Variants in ZNF648 observed in about 807,000 individuals in gnomAD.
ZNF648 encodes the protein zinc finger protein 648.
In ZNF648, 1 loss-of-function variant was observed where a neutral mutation model predicts 0.3. That is an observed-to-expected ratio of 3.90 (90% CI 1.39 to 18.51). The LOEUF is 18.51. Ranked by LOEUF, ZNF648 falls within the 30% of genes most tolerant of loss-of-function variation. The pLI, the probability that ZNF648 is intolerant of heterozygous loss-of-function variation, is 0.11. For synonymous variants in ZNF648, 376 were observed against 326.8 expected (o/e 1.15, Z -1.62); for missense variants, 874 against 769.7 (o/e 1.14, Z -1.60).
chr1:182,058,188 G>A, intron 1 of ZNF648, 115 bp from the exon 2 acceptor site: 2 of 721,474 alleles, frequency 2.8e-6, no homozygotes, highest in Admixed American at 3.3e-5. Flanking sequence ...TCCATGTCAG[G>A]CATATTGTTG....
At position 182,056,573 on chromosome 1, in the gene ZNF648, G is replaced by A. The variant is rs751082466; in HGVS notation, c.1438C>T (p.Gln480Ter). 14 of 1,613,934 alleles carry A rather than the reference G, an allele frequency of 8.7e-6. 1 individual carries two copies. In the Admixed American group the frequency reaches 1.0e-4, roughly 12 times the overall value. ...GAGCGGGCAAAGGCCTGGCCACACT[G>A]CGTGCAAGGAAAGGGCCTCTCGCCA... ...HTGERPFPCT[Q>*]CGQAFARSST... is the part of the protein sequence containing the mutation. Residue 480 changes from glutamine (Q) to a stop codon, truncating the protein, a stop_gained, in exon 2 of 2, where the codon CAG (glutamine) becomes TAG (stop). Transcript: ENST00000339948. LOFTEE classifies it low-confidence loss of function (END_TRUNC).
At position 182,056,729 on chromosome 1, in the gene ZNF648, A is replaced by G. The variant is rs777120595; in HGVS notation, c.1282T>C (p.Cys428Arg). 3.8e-6 allele frequency: 6 copies of G among 1,585,008 alleles called. No individual in the cohort carries two copies. In the East Asian group the frequency reaches 1.4e-4, roughly 37 times the overall value. Residue 428 changes from cysteine to arginine, a missense_variant, in exon 2 of 2, where the codon TGC (cysteine) becomes CGC (arginine). Cys to Arg is a radical substitution (Grantham distance 180). Transcript: ENST00000339948. ...GACAGATTGGAGGACTTGGTGAAGC[A>G]CTTGCCGCAGGTGGGGCAGGGGAAG... is the stretch of plus-strand genomic sequence containing the variant. ...RPFPCPTCGKCFTKSSNLSEH... is the reference protein window; with the variant it reads ...RPFPCPTCGKRFTKSSNLSEH...
At chr1:182,069,583 G>A in the ZNF648 span, among the ~76,000 whole-genome samples, 10,009 of 152,164 alleles carry the variant, frequency 0.066, 408 homozygotes, top group East Asian at 0.17. Context: ...CAGTAAGCAT[G>A]TCTATTCTTT....
intron 1 of ZNF648, among the ~76,000 whole-genome samples, chr1:182,059,632 C>T (rs778087598): frequency 5.9e-5 from 9 of 151,954 alleles, no homozygotes; most frequent in Non-Finnish European, 7.4e-5. Context: ...ATTGGGAGGC[C>T]GAGGCAGACG....
At position 182,056,866 on chromosome 1, in the gene ZNF648, T is replaced by A; in HGVS notation, c.1145A>T (p.His382Leu). 6.4e-7 allele frequency: 1 copy of A among 1,568,558 alleles called. No individual in the cohort carries two copies. Among genetic ancestry groups the A allele is most frequent in the Non-Finnish European group, 8.6e-7 (1 of 1,156,828 alleles). The change falls in exon 2 of 2, where the codon CAC becomes CTC. Residue 382 changes from histidine to leucine, a missense_variant. Physicochemically the swap from His to Leu is moderately conservative, Grantham distance 99 (BLOSUM62 -3). Coordinates refer to ENST00000339948, the MANE Select transcript of ZNF648 (RefSeq NM_001009992.1). ...TFNKPLSLLR[H>L]QRTHLGAKPF... Reference sequence around the variant, plus strand: ...CTTGGCGCCCAGGTGCGTGCGCTGGTGGCGCAGCAGCGACAGCGGCTTGTT... The same window carrying A: ...CTTGGCGCCCAGGTGCGTGCGCTGGAGGCGCAGCAGCGACAGCGGCTTGTT...
the ZNF648 span, among the ~76,000 whole-genome samples, chr1:182,067,387 AGTT>A: frequency 6.6e-6 from 1 of 152,102 alleles, no homozygotes; most frequent in African/African-American, 2.4e-5. Context: ...TAGCTTACAG[AGTT>A]GTTGTGGGGT....
At chr1:182,061,508 C>CT (rs1454623148) in intron 1 of ZNF648, 60 bp downstream of exon 1, 1 of 152,742 alleles carries the variant, frequency 6.5e-6, no homozygotes, top group Non-Finnish European at 1.5e-5. Context: ...ACTTTCTTCT[C>CT]TGCTCACCGC....
At position 182,056,841 on chromosome 1, in the gene ZNF648, C is replaced by G; in HGVS notation, c.1170G>C (p.Lys390Asn). 1.3e-6 allele frequency: 2 copies of G among 1,558,048 alleles called. No homozygotes were observed. The highest frequency in any genetic ancestry group is 1.7e-6 in the Non-Finnish European group (2 of 1,151,076). Residue 390 changes from lysine (K) to asparagine (N), a missense_variant, in exon 2 of 2, where the codon AAG (lysine) becomes AAC (asparagine). By Grantham distance (94) the Lys-to-Asn change is moderately conservative. Transcript: ENST00000339948. ...GGTCGCAGGCGGGGCAGCGGAAGGG[C>G]TTGGCGCCCAGGTGCGTGCGCTGGT... ...LRHQRTHLGA[K>N]PFRCPACDRE...
chr1:182,061,069 C>A (rs1427516360), intron 1 of ZNF648, among the ~76,000 whole-genome samples: 1 of 152,216 alleles, frequency 6.6e-6, no homozygotes, highest in Non-Finnish European at 1.5e-5. Flanking sequence ...AGGTATCCCT[C>A]CTCCATCTGA....
upstream of ZNF648, chr1:182,062,728 A>G (rs1666047772): frequency 6.6e-6 from 1 of 152,232 alleles, no homozygotes; most frequent in Non-Finnish European, 1.5e-5. Context: ...TCCGGGATAC[A>G]TGTGCAGGAT....
rs1022442823 is a variant in ZNF648 at position 182,057,331 on chromosome 1, G to C, written c.680C>G (p.Ala227Gly). 1.3e-5 allele frequency: 21 copies of C among 1,608,636 alleles called. No individual in the cohort carries two copies. In the African/African-American group the frequency reaches 2.5e-4, roughly 19 times the overall value. ...ASLAAAVLAK[A>G]RNSRKVQNQA... ...GTTCTGTACTTTCCTGCTGTTCCGC[G>C]CTTTTGCCAGGACCGCGGCAGCCAG... Residue 227 changes from alanine (A) to glycine (G), a missense_variant, in exon 2 of 2, where the codon GCG becomes GGG. Transcript: ENST00000339948.
upstream of ZNF648, among the ~76,000 whole-genome samples, chr1:182,066,643 C>T (rs1021933685): frequency 6.6e-6 from 1 of 152,190 alleles, no homozygotes; most frequent in African/African-American, 2.4e-5. Context: ...AATCCCATTT[C>T]TGTTTGTTTG....
intron 1 of ZNF648, among the ~76,000 whole-genome samples, chr1:182,058,964 A>T (rs1665987304): frequency 1.3e-5 from 2 of 152,102 alleles, no homozygotes; most frequent in Non-Finnish European, 1.5e-5. Context: ...CTGGGATTAC[A>T]GGTGCCCACC....
chr1:182,063,444 C>T (rs1666056623), upstream of ZNF648: 1 of 152,144 alleles, frequency 6.6e-6, no homozygotes, highest in African/African-American at 2.4e-5. Context: ...TTGCATTTCT[C>T]TAATGATCAG....
the ZNF648 span, chr1:182,069,004 G>GGAAGGAAGGAAGGAAAAAGA: frequency 6.9e-6 from 1 of 145,856 alleles, no homozygotes; most frequent in African/African-American, 2.6e-5. Context: ...AAGGAGAGAG[G>GGAAGGAAGGAAGGAAAAAGA]AAGGGAAAGG....
At position 182,056,348 on chromosome 1, in the gene ZNF648, C is replaced by T. The variant is rs139123227; in HGVS notation, c.1663G>A (p.Gly555Ser). 301 of 1,613,894 alleles carry T rather than the reference C, an allele frequency of 1.9e-4. No individual in the cohort carries two copies. Among genetic ancestry groups the T allele is most frequent in the South Asian group, 9.3e-4 (85 of 91,038 alleles). Residue 555 changes from glycine to serine, a missense_variant, in exon 2 of 2, where the codon GGC (glycine) becomes AGC (serine). Physicochemically the swap from Gly to Ser is moderately conservative, Grantham distance 56 (BLOSUM62 0). Transcript: ENST00000339948. ...GGGATGGGCTCCTTCTTGCAGGTGCCGTGCTTGGCTCGGTGTCGTTGGAGG... is the reference window on the plus strand; with the variant it reads ...GGGATGGGCTCCTTCTTGCAGGTGCTGTGCTTGGCTCGGTGTCGTTGGAGG... ...NHLQRHRAKH[G>S]TCKKEPIPSS...
rs528267504 is a variant in ZNF648 at position 182,057,044 on chromosome 1, G to A, written c.967C>T (p.Arg323Trp). The A allele has an allele frequency of 2.2e-5, 35 of 1,612,254 alleles. No individual in the cohort carries two copies. The African/African-American group carries it at 4.0e-4, about 19-fold the overall frequency. Residue 323 changes from arginine (R) to tryptophan (W), a missense_variant, in exon 2 of 2, where the codon CGG becomes TGG. Arg to Trp is a moderately radical substitution (Grantham distance 101). Transcript: ENST00000339948. ...CCTGTGTGGGTGCGGATGTGCTTCCGGTGGTCGGAGGACCAGGTGTAGGCC... is the reference window on the plus strand; with the variant it reads ...CCTGTGTGGGTGCGGATGTGCTTCCAGTGGTCGGAGGACCAGGTGTAGGCC... ...DKAYTWSSDHRKHIRTHTGEK... is the reference protein window; with the variant it reads ...DKAYTWSSDHWKHIRTHTGEK...
In ZNF648 at chr1:182,058,047, A is replaced by G. The variant is rs1665970385; in HGVS notation, c.-37T>C. ...GCTTCTATTGCCTACTCCTCTGAGG[A>G]GGAGTATCCTGCTTGGCTCAGGATA... is the stretch of plus-strand genomic sequence containing the variant. On this transcript the variant is annotated 5_prime_UTR_variant, in exon 2 of 2. Transcript: ENST00000339948. 4.5e-6 allele frequency: 7 copies of G among 1,549,356 alleles called. No individual in the cohort carries two copies. The South Asian group carries it at 6.3e-5, about 14-fold the overall frequency.
intron 1 of ZNF648, 51 bp from the exon 2 acceptor site, chr1:182,058,124 C>A (rs974630258): frequency 1.0e-4 from 134 of 1,312,120 alleles, no homozygotes; most frequent in Non-Finnish European, 1.3e-4. Flanking sequence ...TACTTAATCA[C>A]TTTCATGAGC....
Sources: allele counts gnomAD v4.1 joint callset (sites outside exome capture counted in the v4.1 genomes callset), GRCh38; gene constraint gnomAD v4.1.1; transcripts MANE v1.5; gene names NCBI Gene and HGNC (gene_info 2026-07-23, HGNC 2026-07-21).